TIAM1: variants seen among roughly 807,000 people sequenced by gnomAD.
TIAM1 encodes TIAM Rac1 associated GEF 1.
TIAM1 carries 65 observed loss-of-function variants against 163.5 expected under a neutral mutation model. The observed-to-expected ratio is 0.40, with a 90% CI of 0.33 to 0.49. The LOEUF is 0.49. TIAM1 is among the 20% of genes least tolerant of loss of function. TIAM1 has a pLI of 0.77. For missense variants in TIAM1, 1,789 were observed against 2,044.7 expected (o/e 0.87, Z 2.41); for synonymous variants, 833 against 810.1 (o/e 1.03, Z -0.48).
chr21:31,289,927 C>T (rs182611786), intron 2 of TIAM1, among the ~76,000 whole-genome samples: 2 of 152,252 alleles, frequency 1.3e-5, no homozygotes, highest in Admixed American at 6.5e-5. Flanking sequence ...GTGAAACAGA[C>T]ACTAGGCTTG....
intron 1 of TIAM1, among the ~76,000 whole-genome samples, chr21:31,540,347 T>C (rs2048281084): frequency 2.0e-5 from 3 of 148,482 alleles, no homozygotes; most frequent in Admixed American, 1.4e-4. Flanking sequence ...ATCACGCCAT[T>C]GCACTCCAGC....
At chr21:31,321,315 C>T (rs1326953467) in intron 2 of TIAM1, among the ~76,000 whole-genome samples, 3 of 149,166 alleles carry the variant, frequency 2.0e-5, no homozygotes, top group Non-Finnish European at 4.4e-5. Flanking sequence ...TCTCAGAGTA[C>T]GTTATTTCCC....
chr21:31,209,576 G>C (rs376344206), intron 11 of TIAM1, among the ~76,000 whole-genome samples: 1 of 152,088 alleles, frequency 6.6e-6, no homozygotes, highest in African/African-American at 2.4e-5. Flanking sequence ...ATAGTGTATC[G>C]GTTACTGATT....
At chr21:31,529,267 A>G (rs1351896041) in intron 1 of TIAM1, among the ~76,000 whole-genome samples, 2 of 152,100 alleles carry the variant, frequency 1.3e-5, no homozygotes, top group Non-Finnish European at 2.9e-5. Flanking sequence ...CAATGGGGAA[A>G]GGTGGAAAAA....
chr21:31,298,735 G>GGGGTGTGTGT (rs1555923380), intron 2 of TIAM1, among the ~76,000 whole-genome samples: 5 of 138,572 alleles, frequency 3.6e-5, no homozygotes. Flanking sequence ...TCCAATTGAG[G>GGGGTGTGTGT]GTGTGTGTGT....
chr21:31,305,302 G>A (rs1222013538), intron 2 of TIAM1, among the ~76,000 whole-genome samples: 1 of 151,898 alleles, frequency 6.6e-6, no homozygotes, highest in African/African-American at 2.4e-5. Flanking sequence ...AAAATTAGAT[G>A]ATACCGAATA....
intron 2 of TIAM1, among the ~76,000 whole-genome samples, chr21:31,453,415 C>T (rs2044951598): frequency 6.6e-6 from 1 of 152,050 alleles, no homozygotes; most frequent in South Asian, 2.1e-4. Context: ...ATTAAGAAAC[C>T]AGGGGGCAGG....
At chr21:31,451,527 A>C (rs1001595701) in intron 2 of TIAM1, among the ~76,000 whole-genome samples, 2 of 152,164 alleles carry the variant, frequency 1.3e-5, no homozygotes, top group African/African-American at 4.8e-5. Flanking sequence ...CAGAGTCTGT[A>C]GTTCAGAGAA....
At chr21:31,517,304 C>T (rs2047417775) in intron 1 of TIAM1, among the ~76,000 whole-genome samples, 2 of 152,098 alleles carry the variant, frequency 1.3e-5, no homozygotes, top group African/African-American at 4.8e-5. Context: ...GAGGCCAGAA[C>T]AGGAGAATCA....
In TIAM1 at chr21:31,210,027, CCCAAAGCAGCT is replaced by C; in HGVS notation, c.2388+7_2388+17del. The C allele has an allele frequency of 6.2e-7, 1 of 1,607,706 alleles. No homozygotes were observed. Among genetic ancestry groups the C allele is most frequent in the Admixed American group, 1.7e-5 (1 of 59,250 alleles). On this transcript the variant is annotated splice_region_variant and intron_variant, in intron 11 of 27. Coordinates refer to ENST00000541036, the MANE Select transcript of TIAM1 (RefSeq NM_001353694.2). ...CATTCTGCTCTTCTTGGAGAAACAA[CCCAAAGCAGCT>C]CCATACCTTGCAAATCAGCTCCAGG...
At chr21:31,522,538 AAAT>A (rs1204484287) in intron 1 of TIAM1, among the ~76,000 whole-genome samples, 1 of 152,020 alleles carries the variant, frequency 6.6e-6, no homozygotes, top group African/African-American at 2.4e-5. Context: ...CAAAAACAAA[AAAT>A]AATAATAATT....
chr21:31,352,344 CAT>C (rs1377510988), intron 2 of TIAM1, among the ~76,000 whole-genome samples: 1 of 152,082 alleles, frequency 6.6e-6, no homozygotes, highest in Non-Finnish European at 1.5e-5. Flanking sequence ...ACAAATATTG[CAT>C]AATTCCACTT....
At chr21:31,357,937 T>A (rs539622688) in intron 2 of TIAM1, among the ~76,000 whole-genome samples, 1 of 152,356 alleles carries the variant, frequency 6.6e-6, no homozygotes, top group East Asian at 1.9e-4. Flanking sequence ...CTCTTCTCCC[T>A]GACCTCTTAA....
intron 14 of TIAM1, 51 bp from the exon 15 acceptor site, chr21:31,182,696 C>T (rs1568983956): frequency 6.4e-7 from 1 of 1,560,236 alleles, no homozygotes; most frequent in African/African-American, 1.4e-5. Flanking sequence ...TATCAGAACA[C>T]AACAGCTTAG....
intron 2 of TIAM1, among the ~76,000 whole-genome samples, chr21:31,387,605 G>T (rs2076897506): frequency 6.6e-6 from 1 of 152,078 alleles, no homozygotes; most frequent in Admixed American, 6.5e-5. Context: ...ATCAGTCCTT[G>T]TCCCACGGAG....
At chr21:31,238,427 G>C (rs1006175819) in intron 6 of TIAM1, among the ~76,000 whole-genome samples, 1 of 152,150 alleles carries the variant, frequency 6.6e-6, no homozygotes, top group Non-Finnish European at 1.5e-5. Flanking sequence ...TCAAAACTAA[G>C]ATCCTACGTT....
chr21:31,158,837 C>T (rs1429613838), intron 16 of TIAM1, among the ~76,000 whole-genome samples: 4 of 152,114 alleles, frequency 2.6e-5, no homozygotes, highest in African/African-American at 9.7e-5. Context: ...GGCCCTTCTC[C>T]ACGCAGCTTA....
intron 1 of TIAM1, among the ~76,000 whole-genome samples, chr21:31,479,454 TA>T (rs2046041484): frequency 1.5e-5 from 1 of 67,780 alleles, no homozygotes; most frequent in Non-Finnish European, 3.6e-5. Flanking sequence ...GATGGATGGA[TA>T]GATGGATGGA....
At chr21:31,227,222 G>C (rs1215936228) in intron 6 of TIAM1, among the ~76,000 whole-genome samples, 1 of 152,026 alleles carries the variant, frequency 6.6e-6, no homozygotes, top group Non-Finnish European at 1.5e-5. Flanking sequence ...CTCCCAAAGT[G>C]CTGGGATTAC....
Sources: gnomAD v4.1 joint callset for allele counts (sites outside exome capture counted in the v4.1 genomes callset) on GRCh38, gnomAD v4.1.1 for gene constraint, MANE v1.5 for transcripts, NCBI Gene and HGNC (gene_info 2026-07-23, HGNC 2026-07-21) for gene names.